TANK: variants seen among roughly 807,000 people sequenced by gnomAD.
The protein encoded by TANK is TRAF family member associated NFKB activator.
In TANK, 15 loss-of-function variants were observed where a neutral mutation model predicts 43.6. The ratio of observed to expected loss-of-function variants is 0.34; its 90% CI spans 0.23 to 0.53. The LOEUF is 0.53. TANK is among the 20% of genes least tolerant of loss of function. The pLI is 0.94. For synonymous variants in TANK, 162 were observed against 178.2 expected (o/e 0.91, Z 0.73); for missense variants, 417 against 498.6 (o/e 0.84, Z 1.56).
At chr2:161,173,238 C>G (rs1685031168) in intron 1 of TANK, among the ~76,000 whole-genome samples, 1 of 152,138 alleles carries the variant, frequency 6.6e-6, no homozygotes, top group South Asian at 2.1e-4. Flanking sequence ...CATAGCTTAT[C>G]ATGGCACCCT....
At chr2:161,209,373 TC>T (rs1379403818) in intron 4 of TANK, among the ~76,000 whole-genome samples, 1 of 152,220 alleles carries the variant, frequency 6.6e-6, no homozygotes, top group African/African-American at 2.4e-5. Flanking sequence ...GTAACTTATG[TC>T]CATGTTAGCA....
chr2:161,226,944 G>T (rs886085208), intron 6 of TANK: 7 of 19,786 alleles, frequency 3.5e-4, no homozygotes, highest in Non-Finnish European at 1.8e-3. Flanking sequence ...TAAATGGATA[G>T]CCTGTATTTA....
intron 1 of TANK, among the ~76,000 whole-genome samples, chr2:161,149,391 C>T (rs141507866): frequency 2.6e-5 from 4 of 152,198 alleles, no homozygotes; most frequent in Admixed American, 6.5e-5. Context: ...CTTGTGAATA[C>T]TTTGGGAGTT....
intron 1 of TANK, among the ~76,000 whole-genome samples, chr2:161,153,541 A>T (rs1684136830): frequency 6.6e-6 from 1 of 151,902 alleles, no homozygotes; most frequent in East Asian, 1.9e-4. Flanking sequence ...TACAAAAATT[A>T]GCCAGGCATG....
intron 2 of TANK, among the ~76,000 whole-genome samples, chr2:161,182,729 G>C (rs1349969866): frequency 1.3e-5 from 2 of 152,200 alleles, no homozygotes; most frequent in African/African-American, 4.8e-5. Flanking sequence ...TTGAAGAAGG[G>C]ACAACCAGTT....
intron 2 of TANK, chr2:161,200,692 A>G (rs986215322): frequency 1.1e-4 from 31 of 290,632 alleles, no homozygotes; most frequent in African/African-American, 7.1e-4. Context: ...TTACCTACTG[A>G]CCTTGTTTCT....
At chr2:161,202,263 C>T (rs1380694668) in intron 2 of TANK, among the ~76,000 whole-genome samples, 2 of 138,960 alleles carry the variant, frequency 1.4e-5, no homozygotes, top group Admixed American at 7.9e-5. Flanking sequence ...GATCTTGGCT[C>T]ACTGCAAGCT....
chr2:161,156,383 T>C (rs2105237032), upstream of TANK: 4 of 984,828 alleles, frequency 4.1e-6, no homozygotes, highest in South Asian at 1.9e-4. Flanking sequence ...TTTCACCTTG[T>C]CTCTAGTTCC....
intron 1 of TANK, among the ~76,000 whole-genome samples, chr2:161,154,718 C>T (rs1259011394): frequency 6.6e-6 from 1 of 151,864 alleles, no homozygotes; most frequent in East Asian, 1.9e-4. Flanking sequence ...TTTCTTTCTT[C>T]CTCTATTAAC....
chr2:161,208,100 T>G, intron 4 of TANK: 4 of 955,202 alleles, frequency 4.2e-6, no homozygotes, highest in Non-Finnish European at 1.2e-6. Context: ...TTTGTTTTCT[T>G]TAGACAATTT....
At position 161,219,689 on chromosome 2, in the gene TANK, G is replaced by C. The variant is rs183138643; in HGVS notation, c.328-4226G>C. On this transcript the variant is annotated intron_variant, in intron 4 of 7. Transcript: ENST00000392749. ...CTGTTTTATACCTTAATCTTTTTCT[G>C]TCTCAGCCCTTTTTTCACTTTCTCC... The C allele has an allele frequency of 2.2e-3, 939 of 422,856 alleles. 9 individuals carry two copies. Among genetic ancestry groups the C allele is most frequent in the African/African-American group, 0.018 (843 of 46,096 alleles). 26.2% of individuals were successfully genotyped at this position (422,856 alleles called of 1,614,324 possible). A position where few individuals can be genotyped will look rare whatever the true frequency, so the allele number is the denominator to read the frequency against.
At chr2:161,181,413 T>TC (rs1685418346) in intron 2 of TANK, among the ~76,000 whole-genome samples, 2 of 151,520 alleles carry the variant, frequency 1.3e-5, no homozygotes, top group Admixed American at 6.6e-5. Context: ...AGAACGAAAC[T>TC]CCATCTCAAA....
At chr2:161,216,588 G>C in intron 4 of TANK, 1 of 162,902 alleles carries the variant, frequency 6.1e-6, no homozygotes, top group Non-Finnish European at 1.3e-5. Flanking sequence ...TTCTTTCTTG[G>C]CCAAAAAAAA....
chr2:161,234,718 A>G (rs1688093814), intron 7 of TANK, among the ~76,000 whole-genome samples: 1 of 152,244 alleles, frequency 6.6e-6, no homozygotes, highest in African/African-American at 2.4e-5. Context: ...AAGTCAAAAC[A>G]CTGCATGTGT....
intron 2 of TANK, among the ~76,000 whole-genome samples, chr2:161,189,704 CAAAATCAGCATGCA>C (rs887708703): frequency 6.6e-6 from 1 of 152,062 alleles, no homozygotes; most frequent in Non-Finnish European, 1.5e-5. Context: ...AGTAAAGTTA[CAAAATCAGCATGCA>C]AAAATCAGTT....
chr2:161,206,746 T>A (rs77717434), intron 4 of TANK, among the ~76,000 whole-genome samples: 2 of 152,074 alleles, frequency 1.3e-5, no homozygotes, highest in African/African-American at 4.8e-5. Flanking sequence ...GGAATGCAAT[T>A]TTTTTACTAG....
At chr2:161,155,023 G>T (rs1684186697) in intron 1 of TANK, among the ~76,000 whole-genome samples, 1 of 152,064 alleles carries the variant, frequency 6.6e-6, no homozygotes, top group Admixed American at 6.5e-5. Flanking sequence ...GGGATTACAG[G>T]TGTGAGCTAC....
At chr2:161,178,647 G>A (rs1685280622) in intron 1 of TANK, among the ~76,000 whole-genome samples, 1 of 151,950 alleles carries the variant, frequency 6.6e-6, no homozygotes, top group African/African-American at 2.4e-5. Context: ...TAAAATAGTG[G>A]ATTTTATACT....
At chr2:161,199,056 T>C (rs972138684) in intron 2 of TANK, among the ~76,000 whole-genome samples, 21 of 152,290 alleles carry the variant, frequency 1.4e-4, no homozygotes, top group African/African-American at 5.1e-4. Flanking sequence ...GTATTTTAAT[T>C]AGATTGTGTC....
Sources: allele counts gnomAD v4.1 joint callset (sites outside exome capture counted in the v4.1 genomes callset), GRCh38; gene constraint gnomAD v4.1.1; transcripts MANE v1.5; gene names NCBI Gene and HGNC (gene_info 2026-07-23, HGNC 2026-07-21).